The following GLT8D2 variants were observed in gnomAD, a reference collection of about 807,000 sequenced individuals.
GLT8D2 encodes glycosyltransferase 8 domain-containing protein 2.
A neutral mutation model predicts 44.5 loss-of-function variants in GLT8D2; 45 were observed. The observed-to-expected ratio is 1.01, with a 90% CI of 0.80 to 1.30. The LOEUF (loss-of-function observed/expected upper bound fraction) is 1.30. Among genes scored for constraint, GLT8D2 ranks in the 50% most tolerant of loss-of-function variants. GLT8D2 has a pLI of 0.00. For missense variants in GLT8D2, 400 were observed against 430.4 expected, an observed-to-expected ratio of 0.93 and a Z score of 0.62; for synonymous variants, 156 against 157.2, an observed-to-expected ratio of 0.99 and a Z score of 0.06.
chr12:104,032,486 A>AAAAAAAAAAAAAAC (rs1879402821), intron 1 of GLT8D2, among the ~76,000 whole-genome samples: 1 of 145,672 alleles, frequency 6.9e-6, no homozygotes, highest in African/African-American at 2.5e-5. Flanking sequence ...AAAAAAAAAA[A>AAAAAAAAAAAAAAC]AAAAATAGGC....
chr12:104,037,592 C>T (rs1880051487), intron 1 of GLT8D2, among the ~76,000 whole-genome samples: 2 of 151,968 alleles, frequency 1.3e-5, no homozygotes, highest in Admixed American at 6.6e-5. Context: ...AAGACTATAC[C>T]AGGAAGAAGT....
chr12:104,028,951 C>T (rs1045821904), intron 1 of GLT8D2, among the ~76,000 whole-genome samples: 4 of 151,558 alleles, frequency 2.6e-5, no homozygotes, highest in Non-Finnish European at 1.5e-5. Context: ...AAAAAAAAAA[C>T]CACGTTGGGA....
intron 3 of GLT8D2, among the ~76,000 whole-genome samples, chr12:104,017,326 A>T (rs758652743): frequency 6.6e-6 from 1 of 152,040 alleles, no homozygotes; most frequent in Non-Finnish European, 1.5e-5. Flanking sequence ...GTCAAAGAAA[A>T]CAAAATTGGT....
At chr12:104,054,554 C>T (rs1434642184), upstream of GLT8D2, among the ~76,000 whole-genome samples, 1 of 151,586 alleles carries the variant, frequency 6.6e-6, no homozygotes, top group Non-Finnish European at 1.5e-5. Context: ...ATTTTATTTC[C>T]TTTGGATACC....
chr12:103,999,968 C>T (rs552896715), intron 5 of GLT8D2, among the ~76,000 whole-genome samples: 1 of 152,266 alleles, frequency 6.6e-6, no homozygotes, highest in African/African-American at 2.4e-5. Context: ...TTTGAATTTA[C>T]CTTTGTCTCT....
chr12:104,052,838 T>C (rs1486723343), upstream of GLT8D2, among the ~76,000 whole-genome samples: 1 of 152,070 alleles, frequency 6.6e-6, no homozygotes, highest in African/African-American at 2.4e-5. Flanking sequence ...CCTGGGCCTT[T>C]CTCCTCAGCC....
chr12:104,064,325 A>C (rs2136580458), upstream of GLT8D2: 1 of 428,014 alleles, frequency 2.3e-6, no homozygotes, highest in South Asian at 5.5e-5. This position sits in a 1 kb window ranked among gnomAD's most constrained non-coding sequence, Gnocchi z 7.3. Flanking sequence ...CTTCCACCCT[A>C]AGGTGCGTTG....
rs1344061090 is a variant in GLT8D2 at position 104,030,709 on chromosome 12, G to T, written c.-163-9218C>A. On this transcript the variant is annotated intron_variant, in intron 1 of 10. Transcript: ENST00000360814. ...TCAATAGCAAAAAAACAAATAACTTGATTTAAAAATAGGCAAAGGACTCCG... is the reference window on the plus strand; with the variant it reads ...TCAATAGCAAAAAAACAAATAACTTTATTTAAAAATAGGCAAAGGACTCCG... The T allele has an allele frequency of 1.9e-6, 3 of 1,607,654 alleles. No homozygotes were observed. In the Admixed American group the frequency reaches 5.0e-5, roughly 27 times the overall value.
chr12:103,999,377 C>A lies in GLT8D2; in HGVS notation c.402+20G>T, dbSNP rs1566191687. ...GTCTCACCAAGGACTGTCCCCAGCA[C>A]CTGTGTGGTCCCTACTTACAGGCTG... On this transcript the variant is annotated intron_variant, in intron 6 of 10. Coordinates refer to ENST00000360814, the MANE Select transcript of GLT8D2 (RefSeq NM_001384711.1). The A allele has an allele frequency of 3.6e-6, 5 of 1,373,982 alleles. No homozygotes were observed. The highest frequency in any genetic ancestry group is 5.2e-6 in the Non-Finnish European group (5 of 960,952). 85.1% of individuals were successfully genotyped at this position (1,373,982 alleles called of 1,614,324 possible).
At chr12:104,003,088 G>C in intron 5 of GLT8D2, 47 bp downstream of exon 5, 1 of 1,482,332 alleles carries the variant, frequency 6.7e-7, no homozygotes, top group Non-Finnish European at 9.4e-7. Context: ...GGGAAGGAGA[G>C]AGGGGAAGGA....
chr12:104,012,003 C>G (rs1313291268), intron 4 of GLT8D2, among the ~76,000 whole-genome samples: 1 of 151,596 alleles, frequency 6.6e-6, no homozygotes, highest in Non-Finnish European at 1.5e-5. Flanking sequence ...GAAACCCCAT[C>G]TCTCCTAAAA....
At chr12:104,021,622 C>T (rs1877645882) in intron 1 of GLT8D2, 131 bp from the exon 2 acceptor site, 2 of 151,654 alleles carry the variant, frequency 1.3e-5, no homozygotes, top group Admixed American at 1.3e-4. Context: ...GCAACAATCT[C>T]TACAAAAAAA....
At chr12:104,002,325 C>T (rs948133177) in intron 5 of GLT8D2, among the ~76,000 whole-genome samples, 27 of 152,152 alleles carry the variant, frequency 1.8e-4, no homozygotes, top group African/African-American at 6.5e-4. Context: ...TGGTTATATC[C>T]TATGCCCATT....
At chr12:104,015,461 A>G (rs948341404) in intron 3 of GLT8D2, among the ~76,000 whole-genome samples, 1 of 149,208 alleles carries the variant, frequency 6.7e-6, no homozygotes, top group African/African-American at 2.5e-5. Flanking sequence ...GGTGGCATGC[A>G]CCTGTAGTCT....
chr12:103,994,462 T>A lies in GLT8D2; in HGVS notation c.640A>T (p.Ile214Phe). 6.2e-7 allele frequency: 1 copy of A among 1,614,172 alleles called. No homozygotes were observed. The highest frequency in any genetic ancestry group is 8.5e-7 in the Non-Finnish European group (1 of 1,180,000). Residue 214 changes from isoleucine (I) to phenylalanine (F), a missense_variant, in exon 9 of 11, where the codon ATC becomes TTC. Transcript: ENST00000360814. Reference protein sequence around the residue: ...MGYLDYRKKAIKDLGISPSTC... With the variant: ...MGYLDYRKKAFKDLGISPSTC... ...CTGGGGCTGATGCCAAGGTCCTTGATGGCCTTCTTCCGGTAGTCCAGATAG... is the reference window on the plus strand; with the variant it reads ...CTGGGGCTGATGCCAAGGTCCTTGAAGGCCTTCTTCCGGTAGTCCAGATAG...
upstream of GLT8D2, among the ~76,000 whole-genome samples, chr12:104,051,063 C>T (rs956809369): frequency 1.3e-5 from 2 of 152,096 alleles, no homozygotes; most frequent in African/African-American, 4.8e-5. Flanking sequence ...GATCCGCCGC[C>T]TCAGCCTCCC....
chr12:104,059,826 G>T (rs1446691010), intron 1 of GLT8D2, among the ~76,000 whole-genome samples: 3 of 152,140 alleles, frequency 2.0e-5, no homozygotes, highest in Non-Finnish European at 4.4e-5. Context: ...TTTGCAACTG[G>T]ATCCTTCTTC....
chr12:103,989,284 T>C lies in GLT8D2; in HGVS notation c.*124A>G, dbSNP rs568889806. ...AAGGTATAATTTGCACACAGTAGTT[T>C]TTGGTTTTTATATTGTGGATCATAT... is the stretch of plus-strand genomic sequence containing the variant. On this transcript the variant is annotated 3_prime_UTR_variant, in exon 11 of 11. Coordinates refer to ENST00000360814, the MANE Select transcript of GLT8D2 (RefSeq NM_001384711.1). The C allele has an allele frequency of 4.5e-5, 35 of 785,062 alleles. No homozygotes were observed. The highest frequency in any genetic ancestry group is 5.5e-5 in the East Asian group (2 of 36,618). The allele number at this position is 785,062 out of a possible 1,614,324, so 48.6% of individuals were successfully genotyped here.
At chr12:104,011,075 T>A (rs1875769616) in intron 4 of GLT8D2, among the ~76,000 whole-genome samples, 1 of 152,228 alleles carries the variant, frequency 6.6e-6, no homozygotes, top group African/African-American at 2.4e-5. Context: ...GTAGAGAAAC[T>A]GAGCACTAAC....
Sources: allele counts gnomAD v4.1 joint callset (sites outside exome capture counted in the v4.1 genomes callset), GRCh38; gene constraint gnomAD v4.1.1; non-coding constraint Gnocchi (gnomAD v3.1); transcripts MANE v1.5; gene names NCBI Gene and HGNC (gene_info 2026-07-23, HGNC 2026-07-21).